CAV1: variants seen among roughly 807,000 people sequenced by gnomAD.
The protein encoded by CAV1 is caveolin 1.
Under a neutral mutation model 16.5 loss-of-function variants are expected in CAV1, and 10 were observed. That is an observed-to-expected ratio of 0.61 (90% CI 0.37 to 1.03). The LOEUF is 1.03. Ranked by LOEUF, CAV1 falls within the 50% of genes least tolerant of loss-of-function variation. CAV1 has a pLI of 0.01. For missense variants in CAV1, 212 were observed against 232.8 expected (o/e 0.91, Z 0.58); for synonymous variants, 76 against 85.1 (o/e 0.89, Z 0.59).
intron 2 of CAV1, among the ~76,000 whole-genome samples, chr7:116,536,535 A>G (rs1411259700): frequency 6.6e-6 from 1 of 152,204 alleles, no homozygotes; most frequent in East Asian, 1.9e-4. Context: ...AGGGAGCAAC[A>G]GGAGCAACCA....
At chr7:116,549,441 G>A (rs139885797) in intron 2 of CAV1, among the ~76,000 whole-genome samples, 2,514 of 152,274 alleles carry the variant, frequency 0.017, 38 homozygotes, top group Middle Eastern at 0.034. Flanking sequence ...TTTCCATGCT[G>A]TCCAAGTGAC....
chr7:116,550,249 C>A (rs1290081609), intron 2 of CAV1, among the ~76,000 whole-genome samples: 1 of 152,164 alleles, frequency 6.6e-6, no homozygotes, highest in African/African-American at 2.4e-5. Context: ...CATTTTTGCC[C>A]TCTTCCATCT....
chr7:116,548,242 A>G (rs1027125467), intron 2 of CAV1, among the ~76,000 whole-genome samples: 10 of 152,226 alleles, frequency 6.6e-5, no homozygotes, highest in Non-Finnish European at 2.9e-5. Flanking sequence ...TTTCTTAAGT[A>G]TACTAATGTA....
chr7:116,530,075 A>G (rs564944368), intron 2 of CAV1, among the ~76,000 whole-genome samples: 1 of 152,348 alleles, frequency 6.6e-6, no homozygotes, highest in Non-Finnish European at 1.5e-5. Flanking sequence ...AATTCCTACA[A>G]TAAATCCTAG....
intron 2 of CAV1, among the ~76,000 whole-genome samples, chr7:116,534,372 T>C (rs1377503213): frequency 6.7e-5 from 1 of 14,942 alleles, no homozygotes; most frequent in African/African-American, 1.6e-4. Context: ...GATATATATA[T>C]ATATATATAT....
chr7:116,543,144 C>A (rs1793973609), intron 2 of CAV1, among the ~76,000 whole-genome samples: 1 of 152,118 alleles, frequency 6.6e-6, no homozygotes. Context: ...GTAGTTTCTT[C>A]ATCTATAAAA....
chr7:116,561,000 T>A lies in CAV1; in HGVS notation c.*1713T>A, dbSNP rs1211555591. On this transcript the variant is annotated 3_prime_UTR_variant, in exon 3 of 3. Coordinates refer to ENST00000341049, the MANE Select transcript of CAV1 (RefSeq NM_001753.5). ...GGAAATGGCTTTGTGATTCAATCTG[T>A]AAACTGTGTATTCCAAGACATGTCT... The A allele has an allele frequency of 1.3e-5, 2 of 152,672 alleles. No individual in the cohort carries two copies. Among genetic ancestry groups the A allele is most frequent in the Admixed American group, 1.3e-4 (2 of 15,286 alleles). 9.5% of individuals were successfully genotyped at this position (152,672 alleles called of 1,614,324 possible). A position where few individuals can be genotyped will look rare whatever the true frequency, so the allele number is the denominator to read the frequency against.
intron 2 of CAV1, among the ~76,000 whole-genome samples, chr7:116,538,990 G>A (rs1793883237): frequency 6.6e-6 from 1 of 152,100 alleles, no homozygotes; most frequent in Admixed American, 6.5e-5. Flanking sequence ...GGAAAATTAT[G>A]GGAACTACAA....
intron 2 of CAV1, among the ~76,000 whole-genome samples, chr7:116,549,933 C>T (rs1371058052): frequency 6.6e-6 from 1 of 152,104 alleles, no homozygotes; most frequent in Non-Finnish European, 1.5e-5. Flanking sequence ...CTACAAGTGA[C>T]CTTCCTTCAA....
At chr7:116,553,925 G>T (rs924316879) in intron 2 of CAV1, among the ~76,000 whole-genome samples, 1 of 152,214 alleles carries the variant, frequency 6.6e-6, no homozygotes, top group South Asian at 2.1e-4. Context: ...CAGGTATCCA[G>T]AATGTAGCAG....
chr7:116,552,657 A>G (rs1794187070), intron 2 of CAV1, among the ~76,000 whole-genome samples: 1 of 152,202 alleles, frequency 6.6e-6, no homozygotes, highest in Non-Finnish European at 1.5e-5. Flanking sequence ...AACATAGGCA[A>G]CACCTCATAT....
At chr7:116,535,416 A>G (rs550584292) in intron 2 of CAV1, among the ~76,000 whole-genome samples, 40 of 152,238 alleles carry the variant, frequency 2.6e-4, no homozygotes, top group Non-Finnish European at 5.1e-4. Context: ...CTCATCCCTC[A>G]GATCTTTCTT....
chr7:116,537,166 CT>C, intron 2 of CAV1, among the ~76,000 whole-genome samples: 1 of 152,302 alleles, frequency 6.6e-6, no homozygotes, highest in East Asian at 1.9e-4. Flanking sequence ...AAAGTTTTTA[CT>C]TTCAAGAAGA....
chr7:116,541,897 A>C (rs1343423956), intron 2 of CAV1, among the ~76,000 whole-genome samples: 1 of 152,210 alleles, frequency 6.6e-6, no homozygotes, highest in Non-Finnish European at 1.5e-5. Context: ...TAACTTCTCA[A>C]ATCCTTCTGC....
chr7:116,537,039 A>G (rs906653802), intron 2 of CAV1, among the ~76,000 whole-genome samples: 1 of 149,490 alleles, frequency 6.7e-6, no homozygotes, highest in Non-Finnish European at 1.5e-5. Flanking sequence ...AAAAGCCATT[A>G]AAAAGGGAGT....
At chr7:116,555,558 A>G (rs1386031794) in intron 2 of CAV1, among the ~76,000 whole-genome samples, 142 of 71,212 alleles carry the variant, frequency 2.0e-3, no homozygotes, top group African/African-American at 4.0e-3. Context: ...GAAAGAAAGA[A>G]AGAAAGAAAG....
In CAV1 at chr7:116,526,618, T is replaced by G. The variant is rs749967183; in HGVS notation, c.124T>G (p.Tyr42Asp). The G allele has an allele frequency of 1.2e-6, 2 of 1,614,082 alleles. No homozygotes were observed. The highest frequency in any genetic ancestry group is 2.2e-5 in the South Asian group (2 of 91,072). ...AGACGAGCTGAGCGAGAAGCAAGTG[T>G]ACGACGCGCACACCAAGGAGATCGA... ...MADELSEKQV[Y>D]DAHTKEIDLV... Residue 42 changes from tyrosine to aspartate, a missense_variant, in exon 2 of 3, where the codon TAC becomes GAC. Tyr to Asp is a radical substitution (Grantham distance 160, BLOSUM62 -3). Transcript: ENST00000341049.
chr7:116,555,544 GAAAGAAAGAAAGAAAGAAAGAA>G (rs1794264383), intron 2 of CAV1, among the ~76,000 whole-genome samples: 1 of 20,984 alleles, frequency 4.8e-5, no homozygotes, highest in Admixed American at 6.6e-4. Context: ...GAGAGAGAGA[GAAAGAAAGAAAGAAAGAAAGAA>G]AGAAAGAAAG....
rs765766900 is a variant in CAV1, at chr7:116,526,564, A to G, written c.70A>G (p.Ile24Val). The change falls in exon 2 of 3, where the codon ATC becomes GTC. Residue 24 changes from isoleucine to valine, a missense_variant. Physicochemically the swap from Ile to Val is conservative, Grantham distance 29. Transcript: ENST00000341049. ...CGTTCCCATCCGGGAACAGGGCAAC[A>G]TCTACAAGCCCAACAACAAGGCCAT... The part of the protein sequence containing the change: ...YTVPIREQGN[I>V]YKPNNKAMAD... The G allele has an allele frequency of 6.2e-7, 1 of 1,614,180 alleles. No individual in the cohort carries two copies. The highest frequency in any genetic ancestry group is 8.5e-7 in the Non-Finnish European group (1 of 1,180,038).
Sources: allele counts gnomAD v4.1 joint callset (sites outside exome capture counted in the v4.1 genomes callset), GRCh38; gene constraint gnomAD v4.1.1; transcripts MANE v1.5; gene names NCBI Gene and HGNC (gene_info 2026-07-23, HGNC 2026-07-21).